The following SLC16A14 variants were observed in gnomAD, a reference collection of about 807,000 sequenced individuals.
The protein encoded by SLC16A14 is monocarboxylate transporter 14.
In SLC16A14, 14 loss-of-function variants were observed where a neutral mutation model predicts 35.8. The observed-to-expected ratio is 0.39, with a 90% CI of 0.26 to 0.61. The LOEUF (loss-of-function observed/expected upper bound fraction) is 0.61, where lower values mean the gene tolerates loss of function less well. SLC16A14 is among the 20% of genes least tolerant of loss of function. The pLI, the probability that SLC16A14 is intolerant of heterozygous loss-of-function variation, is 0.51. For synonymous variants in SLC16A14, 248 were observed against 258.9 expected (o/e 0.96, Z 0.40); for missense variants, 533 against 655.0 (o/e 0.81, Z 2.03).
chr2:230,050,007 G>C lies in SLC16A14; in HGVS notation c.260-103C>G, dbSNP rs1406084732. On this transcript the variant is annotated intron_variant, in intron 2 of 4. Transcript: ENST00000295190. ...CAAAGAATAAAATGTCACTAGAGCT[G>C]TTAAATGACACAAAAAGCCCCCATT... The C allele has an allele frequency of 3.7e-6, 5 of 1,346,940 alleles. No individual in the cohort carries two copies. The African/African-American group carries it at 7.4e-5, about 20-fold the overall frequency. 83.4% of individuals were successfully genotyped at this position (1,346,940 alleles called of 1,614,324 possible). A position where few individuals can be genotyped will look rare whatever the true frequency, so the allele number is the denominator to read the frequency against.
chr2:230,040,587 GT>G (rs1302322796), intron 4 of SLC16A14, among the ~76,000 whole-genome samples: 3 of 152,004 alleles, frequency 2.0e-5, no homozygotes, highest in Non-Finnish European at 2.9e-5. Flanking sequence ...ATAAGCATGT[GT>G]AAAAGCATCT....
Position 230,059,302 on chromosome 2 carries a change from T to C in SLC16A14, c.51A>G (p.Lys17=). ...GGTGGGGCTTCAGTGTCTTTTTGTC[T>C]TTGGGGCCATCTTCAAAATCATACC... ...DIGYDFEDGP[K]DKKTLKPHPN... The change falls in exon 2 of 5, where the codon AAA becomes AAG. Residue 17 remains lysine, a synonymous_variant. Transcript: ENST00000295190. 1 of 1,611,618 alleles carries C rather than the reference T, an allele frequency of 6.2e-7. No homozygotes were observed. The highest frequency in any genetic ancestry group is 8.5e-7 in the Non-Finnish European group (1 of 1,178,246).
At position 230,058,520 on chromosome 2, in the gene SLC16A14, T is replaced by C. The variant is rs73109611; in HGVS notation, c.259+574A>G. On this transcript the variant is annotated intron_variant, in intron 2 of 4. Coordinates refer to ENST00000295190, the MANE Select transcript of SLC16A14 (RefSeq NM_152527.5). ...GATGGGAATGGGGAATTCATGTTTA[T>C]TGAATACAGTTTCCGTTTGGGAAGA... Among the ~76,000 whole-genome samples the C allele has an allele frequency of 6.7e-3, 1,027 of 152,292 alleles. 10 individuals are homozygous for C. The highest frequency in any genetic ancestry group is 0.023 in the African/African-American group (957 of 41,546).
At chr2:230,059,680 A>G (rs1407584741) in intron 1 of SLC16A14, among the ~76,000 whole-genome samples, 1 of 152,154 alleles carries the variant, frequency 6.6e-6, no homozygotes, top group Non-Finnish European at 1.5e-5. Flanking sequence ...CTAGGATTTG[A>G]CCCCAGTTAG....
At chr2:230,047,982 A>T (rs534034177) in intron 3 of SLC16A14, among the ~76,000 whole-genome samples, 1 of 152,342 alleles carries the variant, frequency 6.6e-6, no homozygotes, top group Admixed American at 6.5e-5. Context: ...TTATGTGTGT[A>T]TGTGTATAGA....
rs200231295 is a variant in SLC16A14, at chr2:230,059,398, A to G, written c.-14-32T>C. ...TACATATAACAAATAATTTCATGGAACATCAAAAGGAAAAATATCTTCATC... is the reference window on the plus strand; with the variant it reads ...TACATATAACAAATAATTTCATGGAGCATCAAAAGGAAAAATATCTTCATC... On this transcript the variant is annotated intron_variant, in intron 1 of 4. Coordinates refer to ENST00000295190, the MANE Select transcript of SLC16A14 (RefSeq NM_152527.5). 96 of 1,484,156 alleles carry G rather than the reference A, an allele frequency of 6.5e-5. No homozygotes were observed. The East Asian group carries it at 2.1e-3, about 32-fold the overall frequency. 91.9% of individuals were successfully genotyped at this position (1,484,156 alleles called of 1,614,324 possible).
At chr2:230,060,519 G>A (rs1017297059) in intron 1 of SLC16A14, among the ~76,000 whole-genome samples, 1 of 115,170 alleles carries the variant, frequency 8.7e-6, no homozygotes, top group South Asian at 2.3e-4. Flanking sequence ...ATTTTCATAT[G>A]TATATATGTA....
chr2:230,040,170 G>A (rs2106241531), intron 4 of SLC16A14, among the ~76,000 whole-genome samples: 1 of 152,036 alleles, frequency 6.6e-6, no homozygotes, highest in Non-Finnish European at 1.5e-5. Context: ...TATAAAAAAT[G>A]TCTGTTAAGT....
At chr2:230,045,649 T>G in intron 4 of SLC16A14, 96 bp downstream of exon 4, 1 of 1,375,250 alleles carries the variant, frequency 7.3e-7, no homozygotes, top group South Asian at 1.3e-5. Context: ...AAGGAAAATG[T>G]ACACAAATGG....
chr2:230,038,515 A>G lies in SLC16A14; in HGVS notation c.1382-984T>C, dbSNP rs1352852376. 6.6e-6 allele frequency among the ~76,000 whole-genome samples: 1 copy of G among 152,240 alleles called. No individual in the cohort carries two copies. The highest frequency in any genetic ancestry group is 1.5e-5 in the Non-Finnish European group (1 of 68,034). Reference sequence around the variant, plus strand: ...CTACGCAAACTGAGAGGATTGAGTTACACACAAGAGTTTTATTTATGGTAA... The same window carrying G: ...CTACGCAAACTGAGAGGATTGAGTTGCACACAAGAGTTTTATTTATGGTAA... On this transcript the variant is annotated intron_variant, in intron 4 of 4. Transcript: ENST00000295190. This position sits in a 1 kb window ranked among gnomAD's most constrained non-coding sequence, Gnocchi z 4.4.
intron 4 of SLC16A14, among the ~76,000 whole-genome samples, chr2:230,045,048 G>T (rs2077592575): frequency 6.6e-6 from 1 of 152,056 alleles, no homozygotes; most frequent in African/African-American, 2.4e-5. Context: ...AGCTTCCCTT[G>T]GGGGGAAACA....
chr2:230,044,173 C>G (rs2077581692), intron 4 of SLC16A14, among the ~76,000 whole-genome samples: 1 of 152,028 alleles, frequency 6.6e-6, no homozygotes, highest in Admixed American at 6.6e-5. Flanking sequence ...CATAGACACC[C>G]TTATAAGTGA....
At position 230,067,534 on chromosome 2, in the gene SLC16A14, TTCTCTCTCTCTC is replaced by T. The variant is rs145179402; in HGVS notation, c.-15+1009_-15+1020del. 8.3e-4 allele frequency among the ~76,000 whole-genome samples: 107 copies of T among 128,436 alleles called. 1 individual carries two copies. The highest frequency in any genetic ancestry group is 3.6e-3 in the Middle Eastern group (1 of 276). 84.3% of individuals were successfully genotyped at this position (128,436 alleles called of 152,430 possible). On this transcript the variant is annotated intron_variant, in intron 1 of 4. Transcript: ENST00000295190. ...CCCAACACTGCCTCTCTCCCCTCTCTTCTCTCTCTCTCTCTCTCTCTCTCTCTCTCTCTCTCT... is the reference window on the plus strand; with the variant it reads ...CCCAACACTGCCTCTCTCCCCTCTCTTCTCTCTCTCTCTCTCTCTCTCTCT...
Position 230,045,790 on chromosome 2 carries a change from T to G in SLC16A14, c.1336A>C (p.Ile446Leu), listed in dbSNP as rs146171849. Residue 446 changes from isoleucine (I) to leucine (L), a missense_variant, in exon 4 of 5, where the codon ATC becomes CTC. Coordinates refer to ENST00000295190, the MANE Select transcript of SLC16A14 (RefSeq NM_152527.5). ...EHLANAYGII[I>L]CANGISALLG... ...AATGCAGAGATGCCATTAGCACAGATGATGATGCCGTAGGCATTGGCCAGG... is the reference window on the plus strand; with the variant it reads ...AATGCAGAGATGCCATTAGCACAGAGGATGATGCCGTAGGCATTGGCCAGG... 6.2e-7 allele frequency: 1 copy of G among 1,614,070 alleles called. No homozygotes were observed. The highest frequency in any genetic ancestry group is 8.5e-7 in the Non-Finnish European group (1 of 1,180,058).
rs964999788 is a variant in SLC16A14, at chr2:230,063,115, C to T, written c.-14-3749G>A. 4.0e-5 allele frequency among the ~76,000 whole-genome samples: 6 copies of T among 151,828 alleles called. No individual in the cohort carries two copies. In the East Asian group the frequency reaches 1.2e-3, roughly 29 times the overall value. ...CCAGCCTGGCCAACATGGTAAACCC[C>T]GTCTCTACTAAAAATAGAAAAATTA... On this transcript the variant is annotated intron_variant, in intron 1 of 4. Transcript: ENST00000295190.
chr2:230,058,648 T>C (rs2077726718), intron 2 of SLC16A14, among the ~76,000 whole-genome samples: 1 of 152,212 alleles, frequency 6.6e-6, no homozygotes, highest in Non-Finnish European at 1.5e-5. Flanking sequence ...ATTTTTTTTT[T>C]TTGAAAGGGA....
chr2:230,062,085 C>T (rs2077756236), intron 1 of SLC16A14, among the ~76,000 whole-genome samples: 1 of 152,080 alleles, frequency 6.6e-6, no homozygotes, highest in South Asian at 2.1e-4. Flanking sequence ...TATTTTAACA[C>T]AGAAGAACAA....
At position 230,045,664 on chromosome 2, in the gene SLC16A14, C is replaced by T. The variant is rs369656548; in HGVS notation, c.1381+81G>A. ...AAGGAAAATGTACACAAATGGAAAC[C>T]TTCTTCTTTATCTGGGACTTTATAA... On this transcript the variant is annotated intron_variant, in intron 4 of 4. Transcript: ENST00000295190. 1.0e-5 allele frequency: 15 copies of T among 1,489,766 alleles called. No individual in the cohort carries two copies. In the East Asian group the frequency reaches 2.5e-4, roughly 25 times the overall value. 92.3% of individuals were successfully genotyped at this position (1,489,766 alleles called of 1,614,324 possible).
rs994971852 is a variant in SLC16A14 at position 230,036,621 on chromosome 2, T to C, written c.*759A>G. Reference sequence around the variant, plus strand: ...GATACGAATAAAAGTGCTTGAATTGTAGCCCTTGATTTAATGTTGTGCGTA... The same window carrying C: ...GATACGAATAAAAGTGCTTGAATTGCAGCCCTTGATTTAATGTTGTGCGTA... On this transcript the variant is annotated 3_prime_UTR_variant, in exon 5 of 5. Transcript: ENST00000295190. 2 of 152,250 alleles carry C rather than the reference T, an allele frequency of 1.3e-5. No homozygotes were observed. Among genetic ancestry groups the C allele is most frequent in the Non-Finnish European group, 2.9e-5 (2 of 68,046 alleles). The allele number at this position is 152,250 out of a possible 1,614,324, so 9.4% of individuals were successfully genotyped here. A position where few individuals can be genotyped will look rare whatever the true frequency, so the allele number is the denominator to read the frequency against.
Sources: gnomAD v4.1 joint callset for allele counts (sites outside exome capture counted in the v4.1 genomes callset) on GRCh38, gnomAD v4.1.1 for gene constraint, Gnocchi (gnomAD v3.1) non-coding constraint, MANE v1.5 for transcripts, NCBI Gene and HGNC (gene_info 2026-07-23, HGNC 2026-07-21) for gene names.